The following HOMER2 variants were observed in gnomAD, a reference collection of about 807,000 sequenced individuals.
The protein encoded by HOMER2 is homer protein homolog 2.
Under a neutral mutation model 47.0 loss-of-function variants are expected in HOMER2, and 27 were observed. The ratio of observed to expected loss-of-function variants is 0.57; its 90% CI spans 0.42 to 0.79. The LOEUF (loss-of-function observed/expected upper bound fraction) is 0.79, where lower values mean the gene tolerates loss of function less well. Ranked by LOEUF, HOMER2 falls within the 30% of genes least tolerant of loss-of-function variation. The pLI is 0.00. For missense variants in HOMER2, 443 were observed against 435.0 expected, an observed-to-expected ratio of 1.02 and a Z score of -0.16; for synonymous variants, 161 against 163.8, an observed-to-expected ratio of 0.98 and a Z score of 0.13.
intron 2 of HOMER2, among the ~76,000 whole-genome samples, chr15:82,878,603 T>A (rs1332081461): frequency 6.6e-6 from 1 of 152,234 alleles, no homozygotes; most frequent in African/African-American, 2.4e-5. Context: ...CTTCTACTTC[T>A]GGGACTCCAA....
At chr15:82,896,393 G>A (rs552145461) in intron 1 of HOMER2, among the ~76,000 whole-genome samples, 1 of 152,330 alleles carries the variant, frequency 6.6e-6, no homozygotes, top group South Asian at 2.1e-4. Context: ...GTCAAAGTGA[G>A]TAGACAAGAA....
Position 82,910,593 on chromosome 15 carries a change from T to C in HOMER2, c.6-17752A>G, listed in dbSNP as rs186050581. ...GATGTATAGAAATCCTAGTGACTTA[T>C]AAATTTTGGGGGAAAGAAATCTGGA... On this transcript the variant is annotated intron_variant, in intron 1 of 8. Coordinates refer to ENST00000450735, the MANE Select transcript of HOMER2 (RefSeq NM_004839.4). Among the ~76,000 whole-genome samples the C allele has an allele frequency of 3.5e-4, 54 of 152,336 alleles. No homozygotes were observed. In the East Asian group the frequency reaches 9.8e-3, roughly 28 times the overall value.
chr15:82,848,550 C>T (rs1270749086), downstream of HOMER2, among the ~76,000 whole-genome samples: 8 of 152,170 alleles, frequency 5.3e-5, no homozygotes, highest in African/African-American at 9.7e-5. Flanking sequence ...AAAGGCAGGA[C>T]GCAGAGCTGG....
intron 8 of HOMER2, among the ~76,000 whole-genome samples, chr15:82,850,527 T>C (rs922675896): frequency 2.0e-5 from 3 of 152,242 alleles, no homozygotes; most frequent in African/African-American, 7.2e-5. Context: ...ACAGGACAGC[T>C]GTGAGTCCTT....
intron 1 of HOMER2, among the ~76,000 whole-genome samples, chr15:82,922,042 A>G (rs1022296035): frequency 6.6e-6 from 1 of 152,244 alleles, no homozygotes; most frequent in African/African-American, 2.4e-5. Context: ...TATAACTTGC[A>G]TATGCTTAAA....
At chr15:82,869,656 C>A (rs934935247) in intron 3 of HOMER2, among the ~76,000 whole-genome samples, 3 of 151,944 alleles carry the variant, frequency 2.0e-5, no homozygotes, top group African/African-American at 7.3e-5. Context: ...CAGGGTTTCA[C>A]AATGTTGGCC....
chr15:82,970,852 C>A (rs2029960820), intron 1 of HOMER2, among the ~76,000 whole-genome samples: 1 of 152,204 alleles, frequency 6.6e-6, no homozygotes, highest in East Asian at 1.9e-4. Context: ...ATCTCCAGCT[C>A]CTGTTTGTCT....
upstream of HOMER2, among the ~76,000 whole-genome samples, chr15:82,954,045 C>G (rs906896474): frequency 6.6e-6 from 1 of 152,024 alleles, no homozygotes; most frequent in African/African-American, 2.4e-5. Context: ...CCACTGCACT[C>G]TAGCCTGGTG....
chr15:82,855,612 G>A (rs530887744), intron 5 of HOMER2, among the ~76,000 whole-genome samples: 91 of 152,320 alleles, frequency 6.0e-4, no homozygotes, highest in Non-Finnish European at 1.2e-3. Flanking sequence ...GCCTTTGAAG[G>A]AATCCAGATC....
At chr15:82,928,952 A>AAAAAAAAAAAAAAAAAAAAAAAAAAAAAC in intron 1 of HOMER2, among the ~76,000 whole-genome samples, 1 of 145,954 alleles carries the variant, frequency 6.9e-6, no homozygotes. Flanking sequence ...AAAAAAAAAA[A>AAAAAAAAAAAAAAAAAAAAAAAAAAAAAC]AAAAAAAAGC....
intron 1 of HOMER2, among the ~76,000 whole-genome samples, chr15:82,905,234 G>C (rs2053253026): frequency 6.6e-6 from 1 of 150,918 alleles, no homozygotes. Flanking sequence ...CTCAGGGATT[G>C]GAAGTTCTGA....
At chr15:82,867,481 A>C (rs2052012710) in intron 3 of HOMER2, among the ~76,000 whole-genome samples, 1 of 152,220 alleles carries the variant, frequency 6.6e-6, no homozygotes, top group Admixed American at 6.5e-5. Flanking sequence ...GAGTTTGTAC[A>C]AACTGAAAAG....
intron 2 of HOMER2, among the ~76,000 whole-genome samples, chr15:82,877,523 A>G (rs2052389872): frequency 6.6e-6 from 1 of 152,186 alleles, no homozygotes; most frequent in South Asian, 2.1e-4. Flanking sequence ...AAAGCTGGCC[A>G]GTAGGAGACT....
intron 2 of HOMER2, among the ~76,000 whole-genome samples, chr15:82,878,888 G>C (rs764599511): frequency 6.6e-6 from 1 of 152,116 alleles, no homozygotes; most frequent in Non-Finnish European, 1.5e-5. Context: ...TCAGCCTTCC[G>C]AATGCTGGGA....
In HOMER2 at chr15:82,849,892, T is replaced by C; in HGVS notation, c.855A>G (p.Arg285=). 6.2e-7 allele frequency: 1 copy of C among 1,613,644 alleles called. No homozygotes were observed. The highest frequency in any genetic ancestry group is 8.5e-7 in the Non-Finnish European group (1 of 1,179,650). ...YVSEKLEAAE[R]DNQNLEDKVR... ...CTTTGTCTTCCAGGTTTTGATTGTCTCTCTCTGCCGCCTGGCCAAGCAAAA... is the reference window on the plus strand; with the variant it reads ...CTTTGTCTTCCAGGTTTTGATTGTCCCTCTCTGCCGCCTGGCCAAGCAAAA... The change falls in exon 9 of 9, where the codon AGA becomes AGG. Residue 285 remains arginine (R), a synonymous_variant. Transcript: ENST00000450735.
chr15:82,928,792 T>A lies in HOMER2; in HGVS notation c.5+23739A>T, dbSNP rs571332025. Among the ~76,000 whole-genome samples, 105 of 151,894 alleles carry A rather than the reference T, an allele frequency of 6.9e-4. 1 individual carries two copies. The highest frequency in any genetic ancestry group is 2.4e-3 in the African/African-American group (98 of 41,350). ...AGGAGCTTGAAACTCCCAACTTCTA[T>A]GGAGATAAAGTGCTGTTTGATTTGA... On this transcript the variant is annotated intron_variant, in intron 1 of 8. Transcript: ENST00000450735.
intron 1 of HOMER2, among the ~76,000 whole-genome samples, chr15:82,945,380 T>C (rs1188655198): frequency 2.0e-5 from 3 of 152,352 alleles, no homozygotes; most frequent in African/African-American, 7.2e-5. Context: ...CCACTCAAGA[T>C]ATTTTAAGTT....
chr15:82,906,050 T>C (rs2053276332), intron 1 of HOMER2, among the ~76,000 whole-genome samples: 1 of 152,214 alleles, frequency 6.6e-6, no homozygotes, highest in Non-Finnish European at 1.5e-5. Flanking sequence ...GGAGTTAGGA[T>C]TATTTTGTTA....
chr15:82,915,699 C>G (rs1227972488), intron 1 of HOMER2, among the ~76,000 whole-genome samples: 1 of 152,126 alleles, frequency 6.6e-6, no homozygotes. Flanking sequence ...AGCCTTAGAA[C>G]TGCATACTCC....
Sources: allele counts gnomAD v4.1 joint callset (sites outside exome capture counted in the v4.1 genomes callset), GRCh38; gene constraint gnomAD v4.1.1; transcripts MANE v1.5; gene names NCBI Gene and HGNC (gene_info 2026-07-23, HGNC 2026-07-21).